PXDNL: variants seen among roughly 807,000 people sequenced by gnomAD.
PXDNL encodes the protein probable oxidoreductase PXDNL.
In PXDNL, 145 loss-of-function variants were observed where a neutral mutation model predicts 150.8. That is an observed-to-expected ratio of 0.96 (90% CI 0.84 to 1.10). The LOEUF is 1.10. Among genes scored for constraint, PXDNL ranks in the 50% least tolerant of loss-of-function variants. PXDNL has a pLI of 0.00. For missense variants in PXDNL, 2,087 were observed against 1,873.9 expected, an observed-to-expected ratio of 1.11 and a Z score of -2.10; for synonymous variants, 757 against 725.7, an observed-to-expected ratio of 1.04 and a Z score of -0.69.
chr8:51,723,620 C>T (rs1433188756), intron 1 of PXDNL, among the ~76,000 whole-genome samples: 1 of 152,192 alleles, frequency 6.6e-6, no homozygotes, highest in East Asian at 1.9e-4. Flanking sequence ...GAGGGCTCCA[C>T]TGTGACAGCA....
intron 1 of PXDNL, among the ~76,000 whole-genome samples, chr8:51,729,787 A>G (rs1299417742): frequency 6.6e-6 from 1 of 152,176 alleles, no homozygotes; most frequent in Non-Finnish European, 1.5e-5. Context: ...GTACATCCAC[A>G]CCAGGAACTA....
chr8:51,695,171 T>G (rs1048273023), intron 1 of PXDNL, among the ~76,000 whole-genome samples: 19 of 152,244 alleles, frequency 1.2e-4, no homozygotes, highest in Non-Finnish European at 2.9e-5. Context: ...GTAACAGCAC[T>G]TTTATTTAAT....
intron 4 of PXDNL, among the ~76,000 whole-genome samples, chr8:51,523,657 G>A (rs943296393): frequency 1.3e-5 from 2 of 152,142 alleles, no homozygotes; most frequent in African/African-American, 4.8e-5. Context: ...CATCATCCCA[G>A]GAACCCAGTA....
chr8:51,736,976 C>G (rs1401541267), intron 1 of PXDNL, among the ~76,000 whole-genome samples: 1 of 151,840 alleles, frequency 6.6e-6, no homozygotes, highest in Admixed American at 6.6e-5. Flanking sequence ...CTTTAGATAC[C>G]AAAACAACTC....
intron 1 of PXDNL, among the ~76,000 whole-genome samples, chr8:51,719,403 G>A (rs917100986): frequency 7.9e-5 from 12 of 152,082 alleles, no homozygotes; most frequent in African/African-American, 2.7e-4. Context: ...GATTAAGGGC[G>A]GTGCAAGATG....
At chr8:51,489,850 A>T (rs1337132690) in intron 5 of PXDNL, among the ~76,000 whole-genome samples, 1 of 152,210 alleles carries the variant, frequency 6.6e-6, no homozygotes, top group Non-Finnish European at 1.5e-5. Flanking sequence ...GCCTTTTCAT[A>T]GCAAGTTCTT....
At chr8:51,482,537 G>A (rs181795848) in intron 6 of PXDNL, among the ~76,000 whole-genome samples, 120 of 151,912 alleles carry the variant, frequency 7.9e-4, no homozygotes, top group Non-Finnish European at 1.4e-3. Flanking sequence ...GATTTGGGAG[G>A]GGCCAGGGGC....
At chr8:51,509,493 G>A (rs1291827638) in intron 4 of PXDNL, among the ~76,000 whole-genome samples, 1 of 152,050 alleles carries the variant, frequency 6.6e-6, no homozygotes, top group African/African-American at 2.4e-5. Flanking sequence ...CATTCAAGCT[G>A]TTGCTCTCAC....
At chr8:51,333,750 T>C (rs1791902285) in intron 21 of PXDNL, among the ~76,000 whole-genome samples, 2 of 152,178 alleles carry the variant, frequency 1.3e-5, no homozygotes, top group African/African-American at 4.8e-5. Context: ...TAAAAGGCCT[T>C]GTCCAACAGG....
chr8:51,645,403 A>G (rs1042254494), intron 2 of PXDNL, among the ~76,000 whole-genome samples: 1 of 152,156 alleles, frequency 6.6e-6, no homozygotes, highest in Non-Finnish European at 1.5e-5. Flanking sequence ...TAACCATCAT[A>G]CCATCAACGG....
At chr8:51,569,738 A>G (rs933176952) in intron 3 of PXDNL, among the ~76,000 whole-genome samples, 2 of 151,930 alleles carry the variant, frequency 1.3e-5, no homozygotes, top group Non-Finnish European at 2.9e-5. Context: ...AATTCTATAT[A>G]AGAAAAAACT....
chr8:51,762,038 T>C (rs2037171420), intron 1 of PXDNL, among the ~76,000 whole-genome samples: 1 of 152,214 alleles, frequency 6.6e-6, no homozygotes, highest in African/African-American at 2.4e-5. Flanking sequence ...AATAGGACTC[T>C]GCTTTTAAGA....
chr8:51,559,333 C>CT (rs1199410988), intron 3 of PXDNL, among the ~76,000 whole-genome samples: 1 of 47,554 alleles, frequency 2.1e-5, no homozygotes, highest in Non-Finnish European at 3.3e-5. Flanking sequence ...CTTCCAAACC[C>CT]CCCCCCCCCC....
At chr8:51,727,627 G>T (rs1303707182) in intron 1 of PXDNL, among the ~76,000 whole-genome samples, 2 of 152,116 alleles carry the variant, frequency 1.3e-5, no homozygotes, top group South Asian at 2.1e-4. Flanking sequence ...GACTTGGAGG[G>T]CATTTTTTTA....
intron 3 of PXDNL, among the ~76,000 whole-genome samples, chr8:51,569,584 C>A (rs1196001853): frequency 1.3e-5 from 2 of 151,806 alleles, no homozygotes; most frequent in Non-Finnish European, 2.9e-5. Context: ...GGAATTTCTT[C>A]CAAGATGTGA....
intron 21 of PXDNL, among the ~76,000 whole-genome samples, chr8:51,335,181 A>C (rs1805799446): frequency 6.6e-6 from 1 of 152,182 alleles, no homozygotes; most frequent in Non-Finnish European, 1.5e-5. Flanking sequence ...AGTGATCTCC[A>C]TATCTCTGTT....
At position 51,345,855 on chromosome 8, in the gene PXDNL, C is replaced by T; in HGVS notation, c.3994G>A (p.Glu1332Lys). 1 of 1,610,254 alleles carries T rather than the reference C, an allele frequency of 6.2e-7. No homozygotes were observed. Among genetic ancestry groups the T allele is most frequent in the East Asian group, 2.2e-5 (1 of 44,856 alleles). The change falls in exon 20 of 23, where the codon GAG (glutamate) becomes AAG (lysine). Residue 1332 changes from glutamate (E) to lysine (K), a missense_variant. Physicochemically the swap from Glu to Lys is moderately conservative, Grantham distance 56. Coordinates refer to ENST00000356297, the MANE Select transcript of PXDNL (RefSeq NM_144651.5). ...QYSYPVDKDM[E>K]LSHLRSRQQD... Reference sequence around the variant, plus strand: ...TACCTACTTCTTAGATGACTTAACTCCATATCCTTATCAACAGGATAGCTG... The same window carrying T: ...TACCTACTTCTTAGATGACTTAACTTCATATCCTTATCAACAGGATAGCTG...
chr8:51,767,984 A>G (rs1041164730), intron 1 of PXDNL, among the ~76,000 whole-genome samples: 4 of 152,206 alleles, frequency 2.6e-5, no homozygotes, highest in African/African-American at 9.6e-5. Flanking sequence ...TTTGTTTAGG[A>G]TCTCCAAACC....
intron 19 of PXDNL, among the ~76,000 whole-genome samples, chr8:51,365,782 T>G (rs962451206): frequency 6.6e-6 from 1 of 152,192 alleles, no homozygotes; most frequent in Non-Finnish European, 1.5e-5. Context: ...CATGCTCACC[T>G]AAGTGAGAAC....
Sources: gnomAD v4.1 joint callset for allele counts (sites outside exome capture counted in the v4.1 genomes callset) on GRCh38, gnomAD v4.1.1 for gene constraint, MANE v1.5 for transcripts, NCBI Gene and HGNC (gene_info 2026-07-23, HGNC 2026-07-21) for gene names.